GPC5: variants seen among roughly 807,000 people sequenced by gnomAD.
The protein encoded by GPC5 is glypican-5.
In GPC5, 47 loss-of-function variants were observed where a neutral mutation model predicts 53.9. That is an observed-to-expected ratio of 0.87 (90% confidence interval 0.69 to 1.11). The LOEUF is 1.11. GPC5 is among the 50% of genes most tolerant of loss of function. GPC5 has a pLI of 0.00. For missense variants in GPC5, 748 were observed against 713.1 expected (o/e 1.05, Z -0.56); for synonymous variants, 286 against 263.3 (o/e 1.09, Z -0.84).
intron 7 of GPC5, among the ~76,000 whole-genome samples, chr13:92,670,901 G>T (rs572447707): frequency 2.0e-5 from 3 of 151,904 alleles, no homozygotes; most frequent in African/African-American, 7.3e-5. Flanking sequence ...ACTTTTTGTG[G>T]CAAAAAGGCT....
At chr13:92,394,421 T>C (rs1304254548) in intron 7 of GPC5, among the ~76,000 whole-genome samples, 2 of 152,036 alleles carry the variant, frequency 1.3e-5, no homozygotes, top group Non-Finnish European at 2.9e-5. Context: ...ATGGGGTTAG[T>C]GCCCTAATAA....
chr13:91,489,303 C>G (rs1490354007), intron 2 of GPC5, among the ~76,000 whole-genome samples: 1 of 152,104 alleles, frequency 6.6e-6, no homozygotes. Flanking sequence ...CATGACGGAA[C>G]CTACTGACAT....
chr13:91,785,440 G>A (rs1346591332), intron 5 of GPC5, among the ~76,000 whole-genome samples: 3 of 152,240 alleles, frequency 2.0e-5, no homozygotes, highest in South Asian at 2.1e-4. Context: ...AACCACTGAC[G>A]TACTCTTTGC....
intron 2 of GPC5, among the ~76,000 whole-genome samples, chr13:91,477,636 T>G (rs1010409611): frequency 6.6e-6 from 1 of 152,058 alleles, no homozygotes; most frequent in African/African-American, 2.4e-5. Flanking sequence ...AGAATGTACA[T>G]GTTGGGAAAA....
intron 6 of GPC5, among the ~76,000 whole-genome samples, chr13:92,084,539 G>A (rs1223429466): frequency 1.3e-5 from 2 of 152,166 alleles, no homozygotes; most frequent in Admixed American, 6.5e-5. Context: ...ACCAGGCTAA[G>A]AGCAGCCTGA....
intron 7 of GPC5, among the ~76,000 whole-genome samples, chr13:92,564,670 C>T (rs913172502): frequency 2.0e-5 from 3 of 151,932 alleles, no homozygotes; most frequent in African/African-American, 7.2e-5. Context: ...TCCTTTTTCC[C>T]CTTCTTCTCT....
At chr13:92,166,954 T>TCACA (rs1331415986) in intron 7 of GPC5, among the ~76,000 whole-genome samples, 138 of 44,660 alleles carry the variant, frequency 3.1e-3, no homozygotes, top group Non-Finnish European at 5.7e-3. Flanking sequence ...TCTCTCTCTC[T>TCACA]CTCACACACA....
At chr13:92,488,032 T>C (rs1879622296) in intron 7 of GPC5, among the ~76,000 whole-genome samples, 1 of 152,038 alleles carries the variant, frequency 6.6e-6, no homozygotes, top group South Asian at 2.1e-4. Context: ...TGTATACTTA[T>C]AATATTTGCT....
intron 2 of GPC5, among the ~76,000 whole-genome samples, chr13:91,586,569 G>A (rs1354045048): frequency 3.1e-5 from 3 of 98,028 alleles, no homozygotes; most frequent in Non-Finnish European, 5.5e-5. Context: ...TATGTAGAGA[G>A]AGAGAGAGAG....
chr13:92,404,062 C>T (rs1875683912), intron 7 of GPC5, among the ~76,000 whole-genome samples: 1 of 152,074 alleles, frequency 6.6e-6, no homozygotes, highest in Non-Finnish European at 1.5e-5. Flanking sequence ...GCATTATGAA[C>T]TTGTCCAATA....
intron 5 of GPC5, 24 bp from the exon 6 acceptor site, chr13:91,907,913 T>A (rs775687782): frequency 6.3e-7 from 1 of 1,592,578 alleles, no homozygotes; most frequent in Non-Finnish European, 8.5e-7. Flanking sequence ...TACTAAGTCA[T>A]ATCTTTCACA....
chr13:92,472,415 T>C (rs566206914), intron 7 of GPC5, among the ~76,000 whole-genome samples: 131 of 152,188 alleles, frequency 8.6e-4, no homozygotes, highest in African/African-American at 3.1e-3. Context: ...AGATAACATA[T>C]ATAAGTTAGC....
chr13:92,405,566 T>A (rs78327036), intron 7 of GPC5, among the ~76,000 whole-genome samples: 3,925 of 152,314 alleles, frequency 0.026, 130 homozygotes, highest in East Asian at 0.12. Flanking sequence ...GTCTGCAAAG[T>A]CAGATAAGTG....
At chr13:92,095,357 A>G (rs941447519) in intron 6 of GPC5, among the ~76,000 whole-genome samples, 2 of 151,788 alleles carry the variant, frequency 1.3e-5, no homozygotes, top group African/African-American at 2.4e-5. Flanking sequence ...TAATTAATTT[A>G]TTATTTTTTA....
At chr13:92,384,593 C>A (rs545383613) in intron 7 of GPC5, among the ~76,000 whole-genome samples, 152 of 152,174 alleles carry the variant, frequency 1.0e-3, no homozygotes, top group Non-Finnish European at 1.6e-3. Flanking sequence ...TTAAACAAAT[C>A]CCGCCGAGTG....
At chr13:92,535,167 C>A (rs960790463) in intron 7 of GPC5, among the ~76,000 whole-genome samples, 2 of 152,098 alleles carry the variant, frequency 1.3e-5, no homozygotes, top group Non-Finnish European at 2.9e-5. Context: ...ATGGGGTAAG[C>A]CATGAAGACC....
At chr13:92,269,989 G>A (rs1361425020) in intron 7 of GPC5, among the ~76,000 whole-genome samples, 2 of 152,106 alleles carry the variant, frequency 1.3e-5, no homozygotes, top group Non-Finnish European at 2.9e-5. Flanking sequence ...ATTTTGTCAT[G>A]TGGAGACCCT....
At chr13:92,822,585 C>A (rs1473009049) in intron 7 of GPC5, among the ~76,000 whole-genome samples, 3 of 152,070 alleles carry the variant, frequency 2.0e-5, no homozygotes, top group South Asian at 2.1e-4. Context: ...TTAGCTGCAA[C>A]CCCAGAGTGA....
At chr13:92,081,093 G>T (rs969335731) in intron 6 of GPC5, among the ~76,000 whole-genome samples, 5 of 152,034 alleles carry the variant, frequency 3.3e-5, no homozygotes, top group Admixed American at 3.3e-4. Context: ...ACTGGTATAT[G>T]TCTTTCAACT....
Sources: allele counts gnomAD v4.1 joint callset (sites outside exome capture counted in the v4.1 genomes callset), GRCh38; gene constraint gnomAD v4.1.1; transcripts MANE v1.5; gene names NCBI Gene and HGNC (gene_info 2026-07-23, HGNC 2026-07-21).